KLHL13: variants seen among roughly 807,000 people sequenced by gnomAD.
KLHL13 encodes the protein kelch like family member 13.
KLHL13 carries 10 observed loss-of-function variants against 37.1 expected under a neutral mutation model. The observed-to-expected ratio is 0.27, with a 90% CI of 0.17 to 0.46. KLHL13 has a LOEUF of 0.46. KLHL13 is among the 20% of genes least tolerant of loss of function. The probability of loss-of-function intolerance (pLI) is 1.00; values close to 1 mark genes in which losing one functional copy is unlikely to be tolerated. For synonymous variants in KLHL13, 163 were observed against 181.2 expected (o/e 0.90, Z 0.81); for missense variants, 360 against 509.3 (o/e 0.71, Z 2.82).
chrX:117,903,738 C>T (rs1930311180), intron 5 of KLHL13, among the ~76,000 whole-genome samples: 1 of 111,114 alleles, frequency 9.0e-6, no homozygotes, highest in African/African-American at 3.3e-5. Flanking sequence ...TTAAACCACA[C>T]ATCCTATCAG....
intron 5 of KLHL13, among the ~76,000 whole-genome samples, chrX:117,903,274 C>T (rs1414679730): frequency 9.1e-6 from 1 of 110,346 alleles, no homozygotes; most frequent in Non-Finnish European, 1.9e-5. Flanking sequence ...TGCTTTTCTC[C>T]TCCAAGCACA....
intron 1 of KLHL13, among the ~76,000 whole-genome samples, chrX:118,053,657 CAT>C (rs201214877): frequency 0.06 from 6,605 of 109,493 alleles, 500 homozygotes; most frequent in African/African-American, 0.2. Context: ...AAAAAGAAAA[CAT>C]AATGAAACAA....
At chrX:118,050,839 T>C (rs1463722919) in intron 1 of KLHL13, among the ~76,000 whole-genome samples, 2 of 111,876 alleles carry the variant, frequency 1.8e-5, no homozygotes, top group African/African-American at 6.5e-5. Flanking sequence ...TTTACATCAG[T>C]GGTCTCCAAA....
Position 117,966,508 on chromosome X carries a change from C to T in KLHL13, c.98+6223G>A, listed in dbSNP as rs1309610170. Among the ~76,000 whole-genome samples, 6 of 111,239 alleles carry T rather than the reference C, an allele frequency of 5.4e-5. No individual in the cohort carries two copies. The East Asian group carries it at 1.7e-3, about 31-fold the overall frequency. On this transcript the variant is annotated intron_variant, in intron 1 of 6. Transcript: ENST00000262820. ...CCCAACATAATTTATAGATTCAATG[C>T]CATCCCCATCAAGCTACCGATGACC...
At chrX:117,986,710 C>A (rs1266663503) in intron 1 of KLHL13, among the ~76,000 whole-genome samples, 1 of 111,789 alleles carries the variant, frequency 8.9e-6, no homozygotes, top group Non-Finnish European at 1.9e-5. Flanking sequence ...TGAACTCAAC[C>A]CATTCTTCCA....
intron 4 of KLHL13, among the ~76,000 whole-genome samples, chrX:117,914,509 A>G (rs1274032519): frequency 9.0e-6 from 1 of 111,449 alleles, no homozygotes; most frequent in African/African-American, 3.3e-5. Context: ...GAATGAAACC[A>G]TGTCCACAGA....
At chrX:118,060,488 T>G (rs764561399) in intron 1 of KLHL13, among the ~76,000 whole-genome samples, 6 of 111,214 alleles carry the variant, frequency 5.4e-5, no homozygotes, top group Non-Finnish European at 7.5e-5. Context: ...TACCTAAAAA[T>G]GGAAGCAGAT....
chrX:118,096,909 G>A (rs745641345), intron 1 of KLHL13, among the ~76,000 whole-genome samples: 1,877 of 111,260 alleles, frequency 0.017, 44 homozygotes, highest in African/African-American at 0.056. Context: ...CAATAAATTA[G>A]GTATTGATGG....
chrX:117,973,021 G>T, exon 1 of KLHL13: 1 of 1,055,873 alleles, frequency 9.5e-7, no homozygotes, highest in Non-Finnish European at 1.2e-6. Context: ...AAATTCTTCT[G>T]TCCCCTAAAG....
chrX:118,000,266 C>T (rs758243987), intron 1 of KLHL13, among the ~76,000 whole-genome samples: 1 of 112,023 alleles, frequency 8.9e-6, no homozygotes, highest in African/African-American at 3.2e-5. Context: ...AATCCTAATC[C>T]ATCACTGGGA....
intron 1 of KLHL13, among the ~76,000 whole-genome samples, chrX:118,030,877 A>G (rs2054330809): frequency 8.9e-6 from 1 of 111,916 alleles, no homozygotes; most frequent in Non-Finnish European, 1.9e-5. Context: ...TCAATCTGTT[A>G]TATATAAATT....
At chrX:117,996,907 C>CA (rs1226720476) in intron 1 of KLHL13, among the ~76,000 whole-genome samples, 1 of 109,876 alleles carries the variant, frequency 9.1e-6, no homozygotes, top group Non-Finnish European at 1.9e-5. Flanking sequence ...ATCTCATCTG[C>CA]AAAAAGATAA....
Position 117,957,949 on chromosome X carries a change from TTA to T in KLHL13, c.99-12376_99-12375del, listed in dbSNP as rs1219893733. 9.8e-5 allele frequency among the ~76,000 whole-genome samples: 11 copies of T among 112,085 alleles called. No homozygotes were observed. The South Asian group carries it at 1.8e-3, about 19-fold the overall frequency. On this transcript the variant is annotated intron_variant, in intron 1 of 6. Transcript: ENST00000262820. ...GATTTTTAAAAAAACCTTATTTTCCTTATCAGTTACAATTTGATGAACCATGA... is the reference window on the plus strand; with the variant it reads ...GATTTTTAAAAAAACCTTATTTTCCTTCAGTTACAATTTGATGAACCATGA...
At chrX:117,920,943 T>C (rs1931663564) in intron 2 of KLHL13, among the ~76,000 whole-genome samples, 1 of 111,304 alleles carries the variant, frequency 9.0e-6, no homozygotes, top group Non-Finnish European at 1.9e-5. Context: ...AGTTTCAAGT[T>C]TGAGACTTAA....
chrX:117,912,785 A>G (rs1931073591), intron 4 of KLHL13, among the ~76,000 whole-genome samples: 1 of 111,630 alleles, frequency 9.0e-6, no homozygotes, highest in Non-Finnish European at 1.9e-5. Context: ...GTTGGTATAT[A>G]TATTTATGGG....
chrX:117,917,158 A>G (rs1236850764), intron 4 of KLHL13, among the ~76,000 whole-genome samples: 1 of 111,770 alleles, frequency 8.9e-6, no homozygotes, highest in Non-Finnish European at 1.9e-5. Context: ...CATCTGCCAG[A>G]TTTTCTCAAA....
chrX:118,116,407 CT>C (rs1346197308), intron 1 of KLHL13, 100 bp downstream of exon 1: 1 of 113,012 alleles, frequency 8.8e-6, no homozygotes, highest in Non-Finnish European at 1.9e-5. Context: ...TCCTCTGCCC[CT>C]GGTACAGATC....
intron 1 of KLHL13, among the ~76,000 whole-genome samples, chrX:117,991,316 A>G (rs1476023379): frequency 1.8e-5 from 2 of 110,401 alleles, no homozygotes; most frequent in African/African-American, 3.3e-5. Context: ...CAGAGAACAG[A>G]CAGCCAAGGA....
intron 1 of KLHL13, among the ~76,000 whole-genome samples, chrX:117,995,004 T>C (rs2053838761): frequency 8.9e-6 from 1 of 112,011 alleles, no homozygotes; most frequent in African/African-American, 3.2e-5. Flanking sequence ...GCTATGATGG[T>C]GCCACTGCAC....
Sources: gnomAD v4.1 joint callset for allele counts (sites outside exome capture counted in the v4.1 genomes callset) on GRCh38, gnomAD v4.1.1 for gene constraint, MANE v1.5 for transcripts, NCBI Gene and HGNC (gene_info 2026-07-23, HGNC 2026-07-21) for gene names.